TANC2: variants seen among roughly 807,000 people sequenced by gnomAD.
The protein encoded by TANC2 is protein TANC2.
TANC2 carries 26 observed loss-of-function variants against 210.5 expected under a neutral mutation model. The ratio of observed to expected loss-of-function variants is 0.12; its 90% confidence interval spans 0.09 to 0.17. The LOEUF is 0.17. Ranked by LOEUF, TANC2 falls within the 10% of genes least tolerant of loss-of-function variation. The pLI, the probability that TANC2 is intolerant of heterozygous loss-of-function variation, is 1.00. For missense variants in TANC2, 2,129 were observed against 2,608.9 expected (o/e 0.82, Z 4.01); for synonymous variants, 931 against 967.1 (o/e 0.96, Z 0.69).
intron 8 of TANC2, among the ~76,000 whole-genome samples, chr17:63,248,870 T>G (rs1456288751): frequency 6.6e-6 from 1 of 152,168 alleles, no homozygotes; most frequent in African/African-American, 2.4e-5. Flanking sequence ...TGGTGAATTA[T>G]TTTTAAAAAT....
In TANC2 at chr17:63,325,083, C is replaced by G. The variant is rs554316779; in HGVS notation, c.1575+5993C>G. Among the ~76,000 whole-genome samples, 53 of 113,036 alleles carry G rather than the reference C, an allele frequency of 4.7e-4. 1 individual carries two copies. The South Asian group carries it at 8.3e-3, about 18-fold the overall frequency. 74.2% of individuals were successfully genotyped at this position (113,036 alleles called of 152,430 possible). A position where few individuals can be genotyped will look rare whatever the true frequency, so the allele number is the denominator to read the frequency against. ...TGTGGGGTGGGGGGCGGGGGGCGGGCAGGGGCAAGGCGGATGTTGTCCTGT... is the reference window on the plus strand; with the variant it reads ...TGTGGGGTGGGGGGCGGGGGGCGGGGAGGGGCAAGGCGGATGTTGTCCTGT... On this transcript the variant is annotated intron_variant, in intron 11 of 27. Transcript: ENST00000689528.
intron 2 of TANC2, among the ~76,000 whole-genome samples, chr17:63,051,361 T>C (rs1180437672): frequency 6.6e-6 from 1 of 152,192 alleles, no homozygotes; most frequent in Non-Finnish European, 1.5e-5. Flanking sequence ...TAGCTCATAC[T>C]TGAGAAGCTG....
intron 5 of TANC2, among the ~76,000 whole-genome samples, chr17:63,170,872 G>T (rs545661963): frequency 7.2e-4 from 110 of 152,198 alleles, no homozygotes; most frequent in Admixed American, 2.4e-3. Context: ...AAAGGAATTA[G>T]AATTTTGCAT....
At chr17:63,277,698 G>A (rs983655894) in intron 9 of TANC2, among the ~76,000 whole-genome samples, 8 of 151,556 alleles carry the variant, frequency 5.3e-5, no homozygotes, top group Admixed American at 5.3e-4. Flanking sequence ...GATGGACAAT[G>A]AAATGGAACA....
At chr17:63,239,602 T>A (rs1259971904) in intron 8 of TANC2, among the ~76,000 whole-genome samples, 1 of 152,206 alleles carries the variant, frequency 6.6e-6, no homozygotes, top group African/African-American at 2.4e-5. Context: ...TATTAATTGT[T>A]AAAGATTATT....
intron 21 of TANC2, among the ~76,000 whole-genome samples, chr17:63,408,900 C>T (rs1372917194): frequency 1.3e-5 from 2 of 152,218 alleles, no homozygotes; most frequent in South Asian, 2.1e-4. Context: ...GTCTTAGGTA[C>T]TCTTCTAGCA....
chr17:63,176,921 C>A (rs2040604608), intron 5 of TANC2, among the ~76,000 whole-genome samples: 1 of 151,596 alleles, frequency 6.6e-6, no homozygotes, highest in South Asian at 2.1e-4. Flanking sequence ...TGAAAATGTT[C>A]AGTATCTTGA....
At position 63,415,521 on chromosome 17, in the gene TANC2, C is replaced by A; in HGVS notation, c.4021-7C>A. 1.9e-6 allele frequency: 3 copies of A among 1,612,996 alleles called. No homozygotes were observed. Among genetic ancestry groups the A allele is most frequent in the Non-Finnish European group, 2.5e-6 (3 of 1,179,518 alleles). Reference sequence around the variant, plus strand: ...CTGTGTGTTTCGCCATCTTGTGCTCCCATTAGAAAGGTAAAGTAAAGGAAG... The same window carrying A: ...CTGTGTGTTTCGCCATCTTGTGCTCACATTAGAAAGGTAAAGTAAAGGAAG... On this transcript the variant is annotated splice_region_variant and splice_polypyrimidine_tract_variant and intron_variant, in intron 25 of 27. Coordinates refer to ENST00000689528, the Ensembl canonical transcript of TANC2.
chr17:63,076,429 C>G (rs1171605336), intron 3 of TANC2, among the ~76,000 whole-genome samples: 3 of 152,130 alleles, frequency 2.0e-5, no homozygotes, highest in African/African-American at 4.8e-5. Context: ...TCTGGAGAAT[C>G]TGACCAAAAA....
chr17:63,183,755 C>T (rs2040873769), intron 5 of TANC2, among the ~76,000 whole-genome samples: 1 of 152,266 alleles, frequency 6.6e-6, no homozygotes, highest in African/African-American at 2.4e-5. Context: ...CGGTGGCTCA[C>T]GCCTGTAATC....
chr17:62,983,927 C>T (rs1162019487), intron 1 of TANC2, among the ~76,000 whole-genome samples: 1 of 151,764 alleles, frequency 6.6e-6, no homozygotes, highest in Non-Finnish European at 1.5e-5. Context: ...CTTGTAGTCT[C>T]CTTTTTTTGT....
At chr17:63,085,689 ATG>A (rs879274218) in intron 3 of TANC2, among the ~76,000 whole-genome samples, 1 of 151,876 alleles carries the variant, frequency 6.6e-6, no homozygotes, top group Non-Finnish European at 1.5e-5. Context: ...GTGTGTCTGT[ATG>A]TGTGTGTGTA....
exon 13 of TANC2, chr17:63,351,408 A>G: frequency 6.3e-7 from 1 of 1,593,538 alleles, no homozygotes; most frequent in Non-Finnish European, 8.5e-7. Context: ...AGTTAGGACC[A>G]GTTTACAGGT....
chr17:63,057,340 C>T (rs1046908711), intron 2 of TANC2, among the ~76,000 whole-genome samples: 14 of 152,082 alleles, frequency 9.2e-5, no homozygotes, highest in Non-Finnish European at 1.6e-4. Flanking sequence ...CATCCTGATA[C>T]CTCTGATATA....
chr17:63,220,461 G>A (rs2042140257), intron 7 of TANC2, among the ~76,000 whole-genome samples: 1 of 151,376 alleles, frequency 6.6e-6, no homozygotes, highest in Non-Finnish European at 1.5e-5. Flanking sequence ...CAGCACTTTG[G>A]GAGGCTGAGG....
chr17:63,017,261 C>T (rs2034149196), intron 2 of TANC2, among the ~76,000 whole-genome samples: 2 of 151,964 alleles, frequency 1.3e-5, no homozygotes, highest in Admixed American at 1.3e-4. Flanking sequence ...GTTCCTGGTT[C>T]ATAACAGAAA....
chr17:63,283,621 A>G (rs1395041954), intron 9 of TANC2, among the ~76,000 whole-genome samples: 5 of 152,000 alleles, frequency 3.3e-5, no homozygotes, highest in South Asian at 2.1e-4. Flanking sequence ...TCCAACCTAT[A>G]TAGTATATCT....
chr17:63,328,763 A>G (rs1455021653), intron 11 of TANC2, among the ~76,000 whole-genome samples: 2 of 152,082 alleles, frequency 1.3e-5, no homozygotes, highest in Non-Finnish European at 2.9e-5. Flanking sequence ...CTACAATAAT[A>G]TATTTCAAAA....
intron 9 of TANC2, among the ~76,000 whole-genome samples, chr17:63,309,601 T>C (rs551759919): frequency 2.8e-4 from 42 of 152,326 alleles, no homozygotes; most frequent in African/African-American, 9.6e-4. Flanking sequence ...AGAAGATGTT[T>C]TATGGTTATT....
Sources: gnomAD v4.1 joint callset for allele counts (sites outside exome capture counted in the v4.1 genomes callset) on GRCh38, gnomAD v4.1.1 for gene constraint, MANE v1.5 for transcripts, NCBI Gene and HGNC (gene_info 2026-07-23, HGNC 2026-07-21) for gene names.